RBFOX1: variants seen among roughly 807,000 people sequenced by gnomAD.
RBFOX1 encodes RNA binding fox-1 homolog 1.
A neutral mutation model predicts 57.7 loss-of-function variants in RBFOX1; 8 were observed. The ratio of observed to expected loss-of-function variants is 0.14; its 90% CI spans 0.08 to 0.25. RBFOX1 has a LOEUF of 0.25. Ranked by LOEUF, RBFOX1 falls within the 10% of genes least tolerant of loss-of-function variation. The pLI is 1.00. For missense variants in RBFOX1, 611 were observed against 548.5 expected, an observed-to-expected ratio of 1.11 and a Z score of -1.14; for synonymous variants, 326 against 222.4, an observed-to-expected ratio of 1.47 and a Z score of -4.15.
intron 4 of RBFOX1, among the ~76,000 whole-genome samples, chr16:7,288,275 C>G (rs374043893): frequency 6.6e-6 from 1 of 152,190 alleles, no homozygotes; most frequent in East Asian, 1.9e-4. Context: ...GTTCAACTTT[C>G]AGACATTCTA....
At chr16:6,578,612 T>TGTGTGTGTGTGTGTGA (rs373655762) in intron 2 of RBFOX1, among the ~76,000 whole-genome samples, 8 of 147,004 alleles carry the variant, frequency 5.4e-5, no homozygotes, top group Admixed American at 4.1e-4. Context: ...TGTGTGTGTG[T>TGTGTGTGTGTGTGTGA]GAGCATGGGA....
chr16:7,056,936 T>C (rs1392719688), intron 4 of RBFOX1, among the ~76,000 whole-genome samples: 1 of 152,010 alleles, frequency 6.6e-6, no homozygotes, highest in East Asian at 1.9e-4. Flanking sequence ...AAATGCTCCT[T>C]AGTGTCTCAA....
intron 1 of RBFOX1, among the ~76,000 whole-genome samples, chr16:6,134,961 C>T (rs1322398056): frequency 6.6e-6 from 1 of 152,052 alleles, no homozygotes; most frequent in African/African-American, 2.4e-5. Flanking sequence ...CATCGTTTAA[C>T]ATTAGGTATA....
intron 4 of RBFOX1, among the ~76,000 whole-genome samples, chr16:7,459,637 A>G (rs1333054695): frequency 2.6e-5 from 4 of 152,206 alleles, no homozygotes; most frequent in South Asian, 4.1e-4. Context: ...AAAATATTCT[A>G]CTATGCTGTG....
chr16:5,600,670 T>C (rs761530205), downstream of RBFOX1, among the ~76,000 whole-genome samples: 2 of 152,040 alleles, frequency 1.3e-5, no homozygotes, highest in African/African-American at 4.8e-5. Flanking sequence ...TGCTTGGTGC[T>C]TGTCTATTCC....
intron 4 of RBFOX1, among the ~76,000 whole-genome samples, chr16:7,412,055 G>C (rs1027953075): frequency 6.6e-6 from 1 of 152,108 alleles, no homozygotes; most frequent in African/African-American, 2.4e-5. Context: ...TAAAGCAATC[G>C]AAGTATAGGC....
intron 4 of RBFOX1, among the ~76,000 whole-genome samples, chr16:7,319,574 A>G (rs975968583): frequency 3.3e-5 from 5 of 152,058 alleles, no homozygotes; most frequent in African/African-American, 1.2e-4. Context: ...ATATTTTGGA[A>G]TTCTTGTTCA....
intron 1 of RBFOX1, among the ~76,000 whole-genome samples, chr16:5,318,619 T>A (rs1459495356): frequency 6.6e-6 from 1 of 152,200 alleles, no homozygotes; most frequent in Admixed American, 6.5e-5. Flanking sequence ...CAAAACACTT[T>A]ATCATATGGA....
chr16:5,624,029 T>A lies in RBFOX1; in HGVS notation c.318+25068T>A, dbSNP rs542363289. Among the ~76,000 whole-genome samples the A allele has an allele frequency of 1.1e-4, 17 of 152,274 alleles. No individual in the cohort carries two copies. The East Asian group carries it at 3.1e-3, about 28-fold the overall frequency. On this transcript the variant is annotated intron_variant, in intron 3 of 19. Coordinates refer to the RBFOX1 transcript ENST00000641259. ...CTATTTGATTTGATCCTTACAGAAC[T>A]GAGAAGAGCAGGGCAGATGGTGTCC...
intron 3 of RBFOX1, among the ~76,000 whole-genome samples, chr16:6,727,050 A>AACACACACACACATACACAC (rs1555736414): frequency 7.4e-6 from 1 of 135,790 alleles, no homozygotes; most frequent in Non-Finnish European, 1.6e-5. Context: ...ATTTGGACTG[A>AACACACACACACATACACAC]ACACACACAC....
intron 3 of RBFOX1, among the ~76,000 whole-genome samples, chr16:6,833,670 T>A (rs1488513193): frequency 6.6e-6 from 1 of 152,158 alleles, no homozygotes; most frequent in Non-Finnish European, 1.5e-5. Flanking sequence ...GCACCTAGAA[T>A]TGACTGGATG....
chr16:5,704,627 C>T (rs965052551), intron 3 of RBFOX1, among the ~76,000 whole-genome samples: 10 of 152,132 alleles, frequency 6.6e-5, no homozygotes, highest in Admixed American at 2.0e-4. Context: ...TTTAATGCAC[C>T]GGATCTCAAG....
chr16:7,000,904 C>G (rs926289119), intron 3 of RBFOX1, among the ~76,000 whole-genome samples: 4 of 152,028 alleles, frequency 2.6e-5, no homozygotes, highest in African/African-American at 7.2e-5. Flanking sequence ...ACCTGGGAAA[C>G]ACATAATAAA....
At position 7,001,436 on chromosome 16, in the gene RBFOX1, G is replaced by C. The variant is rs543737970; in HGVS notation, c.-15-50621G>C. Among the ~76,000 whole-genome samples, 567 of 149,864 alleles carry C rather than the reference G, an allele frequency of 3.8e-3. 9 individuals are homozygous for C. Among genetic ancestry groups the C allele is most frequent in the African/African-American group, 0.013 (520 of 40,110 alleles). ...TGTATATGTATATGTATATGTATAT[G>C]TATATGTATATGTATATGTATACGT... On this transcript the variant is annotated intron_variant, in intron 3 of 15. Coordinates refer to ENST00000550418, the MANE Select transcript of RBFOX1 (RefSeq NM_018723.4).
chr16:7,471,973 C>G (rs902296835), intron 4 of RBFOX1, among the ~76,000 whole-genome samples: 11 of 152,088 alleles, frequency 7.2e-5, no homozygotes, highest in Non-Finnish European at 4.4e-5. Flanking sequence ...GTGCTTGGGA[C>G]TGGATCTTTC....
chr16:5,902,070 A>G (rs1382679424), intron 4 of RBFOX1, among the ~76,000 whole-genome samples: 4 of 152,236 alleles, frequency 2.6e-5, no homozygotes, highest in Non-Finnish European at 5.9e-5. Flanking sequence ...TGTTTCTTGA[A>G]TGAATTAATC....
chr16:7,213,359 G>T (rs960705574), intron 4 of RBFOX1, among the ~76,000 whole-genome samples: 2 of 152,154 alleles, frequency 1.3e-5, no homozygotes, highest in African/African-American at 4.8e-5. Flanking sequence ...AGGAATACGG[G>T]ACTCAGTGAT....
intron 1 of RBFOX1, among the ~76,000 whole-genome samples, chr16:6,022,646 G>T (rs1194632582): frequency 6.6e-6 from 1 of 152,136 alleles, no homozygotes; most frequent in Non-Finnish European, 1.5e-5. Context: ...TCACGCCACT[G>T]CACTCCAGCC....
rs76314505 is a variant in RBFOX1 at position 5,534,563 on chromosome 16, G to A, written c.259-64339G>A. Among the ~76,000 whole-genome samples, 36 of 152,250 alleles carry A rather than the reference G, an allele frequency of 2.4e-4. No individual in the cohort carries two copies. The South Asian group carries it at 5.0e-3, about 21-fold the overall frequency. The stretch of plus-strand genomic sequence containing the variant: ...TGTGGAAGGGCTGAAAGCAACCAGC[G>A]CAGGAGAAAGATGAAAGCCACACGA... On this transcript the variant is annotated intron_variant, in intron 2 of 2. Coordinates refer to the RBFOX1 transcript ENST00000585867.
Sources: allele counts gnomAD v4.1 joint callset (sites outside exome capture counted in the v4.1 genomes callset), GRCh38; gene constraint gnomAD v4.1.1; transcripts MANE v1.5; gene names NCBI Gene and HGNC (gene_info 2026-07-23, HGNC 2026-07-21).